Variants in RTTN observed in about 807,000 individuals in gnomAD.
RTTN encodes the protein rotatin.
In RTTN, 182 loss-of-function variants were observed where a neutral mutation model predicts 269.2. The ratio of observed to expected loss-of-function variants is 0.68; its 90% CI spans 0.60 to 0.76. RTTN has a LOEUF of 0.76. Among genes scored for constraint, RTTN ranks in the 30% least tolerant of loss-of-function variants. The pLI is 0.00. For missense variants in RTTN, 2,545 were observed against 2,608.6 expected (o/e 0.98, Z 0.53); for synonymous variants, 1,006 against 963.5 (o/e 1.04, Z -0.82).
intron 43 of RTTN, among the ~76,000 whole-genome samples, chr18:70,025,748 C>A (rs540719625): frequency 6.6e-6 from 1 of 152,206 alleles, no homozygotes; most frequent in Non-Finnish European, 1.5e-5. Context: ...ATCTACTCTG[C>A]CATTCTGTCC....
At position 70,093,717 on chromosome 18, in the gene RTTN, A is replaced by G. The variant is rs2058917905; in HGVS notation, c.3904-913T>C. On this transcript the variant is annotated intron_variant, in intron 28 of 48. Coordinates refer to ENST00000640769, the MANE Select transcript of RTTN (RefSeq NM_173630.4). The stretch of plus-strand genomic sequence containing the variant: ...GATTCGGTTTGCCAGTCTTTTATTG[A>G]GGATTTTGCATTGATGTTCCTCAGT... Among the ~76,000 whole-genome samples, 2 of 152,116 alleles carry G rather than the reference A, an allele frequency of 1.3e-5. 1 individual carries two copies. The highest frequency in any genetic ancestry group is 4.8e-5 in the African/African-American group (2 of 41,400).
chr18:70,188,792 CCA>C (rs1265277694), intron 9 of RTTN, among the ~76,000 whole-genome samples: 2 of 152,202 alleles, frequency 1.3e-5, no homozygotes, highest in Non-Finnish European at 2.9e-5. Flanking sequence ...CCTCCTTTCT[CCA>C]CAGAGACAGA....
chr18:70,142,179 G>C (rs2060273377), intron 19 of RTTN, 109 bp downstream of exon 19: 2 of 680,506 alleles, frequency 2.9e-6, no homozygotes, highest in South Asian at 1.9e-5. Flanking sequence ...AAAGGCCACA[G>C]GCTGGATCTG....
At chr18:70,026,776 T>C (rs778508434) in intron 43 of RTTN, among the ~76,000 whole-genome samples, 9 of 152,096 alleles carry the variant, frequency 5.9e-5, no homozygotes, top group Non-Finnish European at 8.8e-5. Flanking sequence ...TCTTGGGAAA[T>C]TTCAACAATA....
rs763887992 is a variant in RTTN at position 70,193,357 on chromosome 18, G to C, written c.938C>G (p.Pro313Arg). The C allele has an allele frequency of 6.8e-6, 11 of 1,610,214 alleles. No homozygotes were observed. The highest frequency in any genetic ancestry group is 3.4e-6 in the Non-Finnish European group (4 of 1,178,364). The change falls in exon 8 of 49, where the codon CCT becomes CGT. Residue 313 changes from proline (P) to arginine (R), a missense_variant. Transcript: ENST00000640769. Reference sequence around the variant, plus strand: ...CTGGCCTGTGCGCCCAACCACAGAAGGCCGAGGGCTGCTGCTTCCTGGGGA... The same window carrying C: ...CTGGCCTGTGCGCCCAACCACAGAACGCCGAGGGCTGCTGCTTCCTGGGGA... ...NPSPGSSSPR[P>R]SVVGRTGQRP... is the part of the protein sequence containing the mutation.
chr18:70,117,944 G>T (rs1392811396), intron 26 of RTTN, among the ~76,000 whole-genome samples: 2 of 151,818 alleles, frequency 1.3e-5, no homozygotes, highest in Non-Finnish European at 2.9e-5. Context: ...AAACAAAAAT[G>T]GACACCAAAC....
chr18:70,199,512 TG>T lies in RTTN; in HGVS notation c.488-9del. 6.4e-7 allele frequency: 1 copy of T among 1,573,400 alleles called. No individual in the cohort carries two copies. Among genetic ancestry groups the T allele is most frequent in the Non-Finnish European group, 8.7e-7 (1 of 1,143,578 alleles). On this transcript the variant is annotated splice_polypyrimidine_tract_variant and intron_variant, in intron 4 of 48. Transcript: ENST00000640769. ...ACTTCACAGTCTGATTTACTGTCAG[TG>T]AAAGAGCAAATCTTATGGTATCAAA...
intron 46 of RTTN, among the ~76,000 whole-genome samples, chr18:70,010,331 T>C (rs1471448784): frequency 6.6e-6 from 1 of 152,168 alleles, no homozygotes; most frequent in African/African-American, 2.4e-5. Context: ...GACCACATAC[T>C]TGGAAGTAAA....
intron 40 of RTTN, among the ~76,000 whole-genome samples, chr18:70,044,326 T>C (rs1427423595): frequency 6.6e-6 from 1 of 152,216 alleles, no homozygotes; most frequent in African/African-American, 2.4e-5. Flanking sequence ...AGATCAAATA[T>C]AAGGAGCAAA....
At chr18:70,077,588 T>C (rs1346030143) in intron 32 of RTTN, among the ~76,000 whole-genome samples, 1 of 151,990 alleles carries the variant, frequency 6.6e-6, no homozygotes, top group East Asian at 1.9e-4. Context: ...GCAATTATTC[T>C]CTAAATATGT....
At chr18:70,182,086 T>C (rs1049610115) in intron 10 of RTTN, among the ~76,000 whole-genome samples, 2 of 152,134 alleles carry the variant, frequency 1.3e-5, no homozygotes, top group African/African-American at 4.8e-5. Flanking sequence ...CTTCAATATG[T>C]GAAAAATCTC....
intron 26 of RTTN, among the ~76,000 whole-genome samples, chr18:70,115,604 A>AC (rs1195049732): frequency 1.3e-5 from 2 of 151,986 alleles, no homozygotes; most frequent in African/African-American, 4.8e-5. Context: ...ACAGATGGGA[A>AC]CATAGATTTA....
intron 26 of RTTN, among the ~76,000 whole-genome samples, 161 bp downstream of exon 26, chr18:70,121,395 G>A (rs548379697): frequency 2.6e-5 from 4 of 152,066 alleles, no homozygotes; most frequent in African/African-American, 4.8e-5. Context: ...ATTCACAATC[G>A]TATCAGGAAA....
At chr18:70,161,270 G>A (rs555117174) in intron 14 of RTTN, among the ~76,000 whole-genome samples, 2 of 152,268 alleles carry the variant, frequency 1.3e-5, no homozygotes, top group East Asian at 3.9e-4. Context: ...TCAGTAAACA[G>A]TGCTGGAATA....
At chr18:70,032,957 A>T (rs28832131) in intron 40 of RTTN, among the ~76,000 whole-genome samples, 2,786 of 152,302 alleles carry the variant, frequency 0.018, 76 homozygotes, top group African/African-American at 0.064. Flanking sequence ...AATTCAAAAA[A>T]ATCAAAATTG....
chr18:70,042,469 G>A (rs56718063), intron 40 of RTTN, among the ~76,000 whole-genome samples: 5,644 of 141,264 alleles, frequency 0.04, 137 homozygotes, highest in African/African-American at 0.066. Flanking sequence ...TCCCCGTCCC[G>A]GGTTCACACC....
At chr18:70,154,046 A>T (rs1388052355) in intron 14 of RTTN, among the ~76,000 whole-genome samples, 1 of 152,170 alleles carries the variant, frequency 6.6e-6, no homozygotes, top group Non-Finnish European at 1.5e-5. Flanking sequence ...TAATAAGGCG[A>T]GTTTTAACAA....
intron 3 of RTTN, among the ~76,000 whole-genome samples, chr18:70,203,442 C>A (rs2062002701): frequency 6.6e-6 from 1 of 152,146 alleles, no homozygotes; most frequent in South Asian, 2.1e-4. Context: ...TGACCACCTG[C>A]CTCGGCTTCC....
chr18:70,123,059 A>C (rs548814205), intron 25 of RTTN, among the ~76,000 whole-genome samples: 29 of 152,240 alleles, frequency 1.9e-4, no homozygotes, highest in African/African-American at 6.7e-4. Flanking sequence ...AATTTGTATA[A>C]TATTTGTTGA....
Sources: allele counts gnomAD v4.1 joint callset (sites outside exome capture counted in the v4.1 genomes callset), GRCh38; gene constraint gnomAD v4.1.1; transcripts MANE v1.5; gene names NCBI Gene and HGNC (gene_info 2026-07-23, HGNC 2026-07-21).